The following MSRB3 variants were observed in gnomAD, a reference collection of about 807,000 sequenced individuals.
MSRB3 encodes the protein methionine-R-sulfoxide reductase B3.
Under a neutral mutation model 21.0 loss-of-function variants are expected in MSRB3, and 13 were observed. The ratio of observed to expected loss-of-function variants is 0.62; its 90% CI spans 0.40 to 0.98. The LOEUF is 0.98. Among genes scored for constraint, MSRB3 ranks in the 50% least tolerant of loss-of-function variants. The pLI is 0.00. For synonymous variants in MSRB3, 87 were observed against 88.6 expected, an observed-to-expected ratio of 0.98 and a Z score of 0.10; for missense variants, 199 against 230.3, an observed-to-expected ratio of 0.86 and a Z score of 0.88.
At chr12:65,326,671 A>C (rs745488962) in intron 2 of MSRB3, among the ~76,000 whole-genome samples, 155 bp from the exon 3 acceptor site, 24 of 152,204 alleles carry the variant, frequency 1.6e-4, no homozygotes, top group Non-Finnish European at 2.4e-4. Context: ...TAGAGAAATA[A>C]TCAGCTGCAG....
intron 6 of MSRB3, among the ~76,000 whole-genome samples, chr12:65,461,084 A>C (rs79539804): frequency 6.9e-6 from 1 of 145,694 alleles, no homozygotes; most frequent in African/African-American, 2.5e-5. Context: ...ACACACACAC[A>C]CCCCTAAGGC....
At chr12:65,419,794 C>G (rs1881183234) in intron 5 of MSRB3, 1 of 1,039,902 alleles carries the variant, frequency 9.6e-7, no homozygotes, top group Non-Finnish European at 1.5e-6. Context: ...TTCTGGATGC[C>G]TCCCATTCCT....
At chr12:65,411,246 C>T (rs1489872989) in intron 5 of MSRB3, among the ~76,000 whole-genome samples, 1 of 152,070 alleles carries the variant, frequency 6.6e-6, no homozygotes, top group Non-Finnish European at 1.5e-5. Context: ...GCCATGAAGA[C>T]CTTACTTATT....
chr12:65,350,537 A>T (rs1876893775), intron 4 of MSRB3, among the ~76,000 whole-genome samples: 1 of 151,270 alleles, frequency 6.6e-6, no homozygotes, highest in African/African-American at 2.5e-5. Flanking sequence ...AAGAGTCAAG[A>T]CCCATCAGTG....
chr12:65,462,036 T>G (rs1042953712), intron 6 of MSRB3, among the ~76,000 whole-genome samples: 3 of 152,212 alleles, frequency 2.0e-5, no homozygotes, highest in African/African-American at 7.2e-5. Context: ...CCCACTAGAA[T>G]GTAAGCTCTA....
At chr12:65,407,539 G>A (rs1445014577) in intron 5 of MSRB3, among the ~76,000 whole-genome samples, 3 of 151,782 alleles carry the variant, frequency 2.0e-5, no homozygotes, top group African/African-American at 7.3e-5. Context: ...GATTTTTTTG[G>A]TATTTATCCT....
At chr12:65,327,521 A>C (rs573237385) in intron 3 of MSRB3, among the ~76,000 whole-genome samples, 1 of 152,336 alleles carries the variant, frequency 6.6e-6, no homozygotes, top group African/African-American at 2.4e-5. Context: ...GTTCACTTCC[A>C]AGACTGTTTT....
rs1467399385 is a variant in MSRB3, at chr12:65,299,934, T to A, written c.-51-8595T>A. Among the ~76,000 whole-genome samples the A allele has an allele frequency of 3.3e-5, 5 of 152,320 alleles. No individual in the cohort carries two copies. The East Asian group carries it at 9.6e-4, about 29-fold the overall frequency. On this transcript the variant is annotated intron_variant, in intron 1 of 6. Transcript: ENST00000308259. ...TATGTGCACATCGATTACTTCCAGGTCACAATGTGAGCTATTAATGTGGTT... is the reference window on the plus strand; with the variant it reads ...TATGTGCACATCGATTACTTCCAGGACACAATGTGAGCTATTAATGTGGTT...
chr12:65,301,046 T>C (rs1284751831), intron 1 of MSRB3, among the ~76,000 whole-genome samples: 1 of 151,970 alleles, frequency 6.6e-6, no homozygotes, highest in Non-Finnish European at 1.5e-5. Flanking sequence ...CCTATAGGAG[T>C]ACCTAGCTCA....
At chr12:65,343,732 T>A (rs1334965880) in intron 4 of MSRB3, among the ~76,000 whole-genome samples, 3 of 152,044 alleles carry the variant, frequency 2.0e-5, no homozygotes, top group Non-Finnish European at 4.4e-5. Flanking sequence ...TTCATGTCTG[T>A]CTGGCCCCTA....
At chr12:65,462,014 C>G (rs944810935) in intron 6 of MSRB3, among the ~76,000 whole-genome samples, 1 of 152,136 alleles carries the variant, frequency 6.6e-6, no homozygotes, top group African/African-American at 2.4e-5. Flanking sequence ...TTCTTGTGTA[C>G]TGTCTGTCTC....
At chr12:65,391,907 G>A (rs1415268410) in intron 5 of MSRB3, among the ~76,000 whole-genome samples, 1 of 152,146 alleles carries the variant, frequency 6.6e-6, no homozygotes, top group Non-Finnish European at 1.5e-5. Flanking sequence ...CAGATGGAGA[G>A]GAGAAGAGGA....
intron 5 of MSRB3, among the ~76,000 whole-genome samples, chr12:65,370,333 G>C (rs777263092): frequency 1.3e-5 from 2 of 152,094 alleles, no homozygotes; most frequent in Non-Finnish European, 2.9e-5. Context: ...AGTTGATGGA[G>C]AGTGTAATTT....
chr12:65,418,581 G>A, intron 5 of MSRB3: 1 of 562,838 alleles, frequency 1.8e-6, no homozygotes, highest in South Asian at 2.4e-5. Context: ...ATGTCATGGA[G>A]CTTTTCCCTG....
At chr12:65,441,910 A>G (rs1195483375) in intron 5 of MSRB3, among the ~76,000 whole-genome samples, 1 of 152,038 alleles carries the variant, frequency 6.6e-6, no homozygotes, top group Non-Finnish European at 1.5e-5. Flanking sequence ...GCAAAACACC[A>G]TTTGTCATAT....
intron 5 of MSRB3, among the ~76,000 whole-genome samples, chr12:65,422,685 G>A (rs984499875): frequency 1.2e-4 from 18 of 151,276 alleles, no homozygotes; most frequent in African/African-American, 1.9e-4. Context: ...CTTTTAATCC[G>A]TGAACATAGG....
intron 1 of MSRB3, chr12:65,284,350 A>G (rs1438438434): frequency 6.6e-6 from 1 of 152,286 alleles, no homozygotes; most frequent in Non-Finnish European, 1.5e-5. Flanking sequence ...CCTAACGAGA[A>G]TAGCGGCACC....
chr12:65,406,424 T>C (rs1367999964), intron 5 of MSRB3, among the ~76,000 whole-genome samples: 2 of 152,196 alleles, frequency 1.3e-5, no homozygotes, highest in Non-Finnish European at 2.9e-5. Flanking sequence ...CTATAAAACG[T>C]TCATGAAAGG....
intron 4 of MSRB3, among the ~76,000 whole-genome samples, chr12:65,345,617 CG>C (rs1876439511): frequency 6.6e-6 from 1 of 152,062 alleles, no homozygotes; most frequent in Admixed American, 6.6e-5. Context: ...TTTTAGGGTA[CG>C]TATGCACAAC....
Sources: gnomAD v4.1 joint callset for allele counts (sites outside exome capture counted in the v4.1 genomes callset) on GRCh38, gnomAD v4.1.1 for gene constraint, MANE v1.5 for transcripts, NCBI Gene and HGNC (gene_info 2026-07-23, HGNC 2026-07-21) for gene names.